Variants in GPATCH2 observed in about 807,000 individuals in gnomAD.
The protein encoded by GPATCH2 is G patch domain-containing protein 2.
Under a neutral mutation model 58.0 loss-of-function variants are expected in GPATCH2, and 51 were observed. That is an observed-to-expected ratio of 0.88 (90% confidence interval 0.70 to 1.11). GPATCH2 has a LOEUF of 1.11. Ranked by LOEUF, GPATCH2 falls within the 50% of genes most tolerant of loss-of-function variation. The pLI, the probability that GPATCH2 is intolerant of heterozygous loss-of-function variation, is 0.00. For missense variants in GPATCH2, 625 were observed against 652.2 expected, an observed-to-expected ratio of 0.96 and a Z score of 0.45; for synonymous variants, 222 against 218.5, an observed-to-expected ratio of 1.02 and a Z score of -0.14.
At chr1:217,461,025 A>G (rs866532220) in intron 8 of GPATCH2, among the ~76,000 whole-genome samples, 5 of 152,212 alleles carry the variant, frequency 3.3e-5, no homozygotes, top group Admixed American at 6.5e-5. Context: ...TAATATGGTA[A>G]TGATAATGTA....
chr1:217,559,423 T>TA (rs1228777872), intron 5 of GPATCH2, among the ~76,000 whole-genome samples: 1 of 152,080 alleles, frequency 6.6e-6, no homozygotes, highest in Non-Finnish European at 1.5e-5. Context: ...ACCTGTGACA[T>TA]AAAAAATCAA....
At chr1:217,480,911 G>C (rs1661185949) in intron 8 of GPATCH2, among the ~76,000 whole-genome samples, 1 of 152,114 alleles carries the variant, frequency 6.6e-6, no homozygotes, top group Non-Finnish European at 1.5e-5. Context: ...AAACCACAAT[G>C]AGATATTATC....
chr1:217,603,412 T>C (rs1668203473), intron 5 of GPATCH2, among the ~76,000 whole-genome samples: 2 of 152,152 alleles, frequency 1.3e-5, no homozygotes, highest in African/African-American at 4.8e-5. Flanking sequence ...TGAACAAATA[T>C]ACTACTGTAT....
chr1:217,539,779 T>A (rs771854736), intron 5 of GPATCH2, among the ~76,000 whole-genome samples: 1 of 152,184 alleles, frequency 6.6e-6, no homozygotes, highest in Non-Finnish European at 1.5e-5. Context: ...ACTTAGGGAA[T>A]GTTTTATCGT....
chr1:217,587,231 T>G (rs1031669858), intron 5 of GPATCH2, among the ~76,000 whole-genome samples: 3 of 152,170 alleles, frequency 2.0e-5, no homozygotes, highest in Admixed American at 6.5e-5. Flanking sequence ...AGGGAGAAGT[T>G]CCTTTAGGAA....
chr1:217,512,638 G>A (rs936129785), intron 6 of GPATCH2, among the ~76,000 whole-genome samples: 3 of 152,164 alleles, frequency 2.0e-5, no homozygotes, highest in Non-Finnish European at 4.4e-5. Flanking sequence ...AGAACATGGA[G>A]GCCAGCAGCA....
In GPATCH2 at chr1:217,430,002, A is replaced by G. The variant is rs770834131; in HGVS notation, c.*1143T>C. 5.3e-5 allele frequency: 8 copies of G among 152,074 alleles called. No individual in the cohort carries two copies. 9.4% of individuals were successfully genotyped at this position (152,074 alleles called of 1,614,324 possible). On this transcript the variant is annotated 3_prime_UTR_variant, in exon 10 of 10. Coordinates refer to ENST00000366935, the MANE Select transcript of GPATCH2 (RefSeq NM_018040.5). ...ATAATAAGTTGTTAATAATGAAGAT[A>G]ATAAATAAAGATCTTCTAAACTAAA...
In GPATCH2 at chr1:217,620,428, G is replaced by A. The variant is rs1378204078; in HGVS notation, c.128C>T (p.Ala43Val). The A allele has an allele frequency of 6.2e-7, 1 of 1,613,994 alleles. No homozygotes were observed. The highest frequency in any genetic ancestry group is 1.7e-5 in the Admixed American group (1 of 60,000). ...VSALEESSEQ[A>V]RGGFAETGDH... is the part of the protein sequence containing the mutation. Reference sequence around the variant, plus strand: ...TCCTGTTTCAGCAAATCCACCTCGAGCTTGCTCTGAGCTCTCTTCCAATGC... The same window carrying A: ...TCCTGTTTCAGCAAATCCACCTCGAACTTGCTCTGAGCTCTCTTCCAATGC... Residue 43 changes from alanine (A) to valine (V), a missense_variant, in exon 2 of 10, where the codon GCT (alanine) becomes GTT (valine). Transcript: ENST00000366935.
At chr1:217,477,065 G>A (rs1033737452) in intron 8 of GPATCH2, among the ~76,000 whole-genome samples, 5 of 152,136 alleles carry the variant, frequency 3.3e-5, no homozygotes, top group African/African-American at 9.7e-5. Flanking sequence ...TAGGGGACCA[G>A]TCAGAGTTGT....
At chr1:217,483,114 G>A (rs895726183) in intron 8 of GPATCH2, among the ~76,000 whole-genome samples, 1 of 151,998 alleles carries the variant, frequency 6.6e-6, no homozygotes, top group Non-Finnish European at 1.5e-5. Flanking sequence ...GTATATATTG[G>A]TTGTTTCCTT....
chr1:217,538,255 G>A (rs1664573230), intron 5 of GPATCH2, among the ~76,000 whole-genome samples: 1 of 152,174 alleles, frequency 6.6e-6, no homozygotes, highest in Non-Finnish European at 1.5e-5. Context: ...TGACAAGTTA[G>A]CTGAGCATTC....
intron 5 of GPATCH2, among the ~76,000 whole-genome samples, chr1:217,589,408 T>C (rs1292109484): frequency 6.6e-6 from 1 of 152,114 alleles, no homozygotes; most frequent in Non-Finnish European, 1.5e-5. Context: ...ACTACTACTT[T>C]TCCAAGACTG....
chr1:217,499,248 A>G (rs1486831222), intron 6 of GPATCH2, among the ~76,000 whole-genome samples: 1 of 152,168 alleles, frequency 6.6e-6, no homozygotes, highest in Non-Finnish European at 1.5e-5. Context: ...TATGATTTCA[A>G]CAACCATAAT....
At chr1:217,598,411 C>CATAA (rs975301745) in intron 5 of GPATCH2, among the ~76,000 whole-genome samples, 1 of 151,858 alleles carries the variant, frequency 6.6e-6, no homozygotes, top group Non-Finnish European at 1.5e-5. Context: ...AACAAAAAAC[C>CATAA]ATAAGGTCAT....
intron 5 of GPATCH2, among the ~76,000 whole-genome samples, chr1:217,542,800 A>G (rs4846242): frequency 0.57 from 87,110 of 152,078 alleles, 25,961 homozygotes; most frequent in East Asian, 0.93. Context: ...CTAGGGTTTA[A>G]TATCCTCCAG....
intron 6 of GPATCH2, among the ~76,000 whole-genome samples, chr1:217,507,670 C>T (rs1204339510): frequency 6.6e-6 from 1 of 152,116 alleles, no homozygotes; most frequent in Non-Finnish European, 1.5e-5. Context: ...AATATGTAAA[C>T]TTTTATTCCA....
At chr1:217,433,237 C>A (rs993933761) in intron 9 of GPATCH2, among the ~76,000 whole-genome samples, 1 of 151,874 alleles carries the variant, frequency 6.6e-6, no homozygotes, top group African/African-American at 2.4e-5. Flanking sequence ...ATCCTTGGAT[C>A]TCAAACATCA....
chr1:217,532,900 GTTT>G (rs59591091), intron 5 of GPATCH2, among the ~76,000 whole-genome samples: 12 of 110,862 alleles, frequency 1.1e-4, no homozygotes, highest in East Asian at 5.6e-4. Context: ...TTTTTTTTTT[GTTT>G]TTTTTTTTTT....
At chr1:217,592,477 A>C (rs772838821) in intron 5 of GPATCH2, among the ~76,000 whole-genome samples, 48 of 151,950 alleles carry the variant, frequency 3.2e-4, no homozygotes, top group Non-Finnish European at 6.3e-4. Context: ...TCACTATGGA[A>C]TCAGTGAAAG....
Sources: allele counts gnomAD v4.1 joint callset (sites outside exome capture counted in the v4.1 genomes callset), GRCh38; gene constraint gnomAD v4.1.1; transcripts MANE v1.5; gene names NCBI Gene and HGNC (gene_info 2026-07-23, HGNC 2026-07-21).